The following GRIK4 variants were observed in gnomAD, a reference collection of about 807,000 sequenced individuals.
GRIK4 encodes the protein glutamate receptor ionotropic, kainate 4.
GRIK4 carries 40 observed loss-of-function variants against 104.9 expected under a neutral mutation model. The ratio of observed to expected loss-of-function variants is 0.38; its 90% confidence interval spans 0.30 to 0.50. The LOEUF (loss-of-function observed/expected upper bound fraction) is 0.50, where lower values mean the gene tolerates loss of function less well. GRIK4 is among the 20% of genes least tolerant of loss of function. GRIK4 has a pLI of 0.93. For missense variants in GRIK4, 1,047 were observed against 1,308.1 expected, an observed-to-expected ratio of 0.80 and a Z score of 3.08; for synonymous variants, 485 against 524.9, an observed-to-expected ratio of 0.92 and a Z score of 1.04.
At chr11:120,645,661 C>T (rs1949533450) in intron 1 of GRIK4, among the ~76,000 whole-genome samples, 1 of 152,182 alleles carries the variant, frequency 6.6e-6, no homozygotes, top group Admixed American at 6.5e-5. Context: ...TCTCCCCGTG[C>T]TCTCAGATCT....
At chr11:120,615,003 CAAAACAAAACAA>C (rs1273435360) in intron 1 of GRIK4, among the ~76,000 whole-genome samples, 6 of 151,734 alleles carry the variant, frequency 4.0e-5, no homozygotes, top group South Asian at 2.1e-4. Flanking sequence ...AATCTCAAAA[CAAAACAAAACAA>C]AAAACAAAAC....
chr11:120,581,485 A>G (rs561670304), intron 1 of GRIK4, among the ~76,000 whole-genome samples: 31 of 152,336 alleles, frequency 2.0e-4, no homozygotes, highest in Middle Eastern at 3.4e-3. Context: ...AAGTACCATC[A>G]TGTTGTTGTG....
chr11:120,513,044 G>A lies in GRIK4; in HGVS notation c.-159+1157G>A, dbSNP rs772238877. On this transcript the variant is annotated intron_variant, in intron 1 of 20. Transcript: ENST00000527524. This position sits in a 1 kb window ranked among gnomAD's most constrained non-coding sequence, Gnocchi z 4.5. ...GTGCTGTTGTCTGGTGATGCCACGC[G>A]GTGCCACCTCCCTGCCTCCCTCCAG... Among the ~76,000 whole-genome samples, 9 of 152,260 alleles carry A rather than the reference G, an allele frequency of 5.9e-5. No homozygotes were observed. Among genetic ancestry groups the A allele is most frequent in the African/African-American group, 9.6e-5 (4 of 41,550 alleles).
intron 3 of GRIK4, among the ~76,000 whole-genome samples, chr11:120,668,130 GAT>G (rs1949950014): frequency 6.6e-6 from 1 of 151,176 alleles, no homozygotes; most frequent in African/African-American, 2.4e-5. Context: ...TAGATAGATA[GAT>G]AGATAGATAG....
At chr11:120,589,478 A>G (rs1456268831) in intron 1 of GRIK4, among the ~76,000 whole-genome samples, 1 of 152,196 alleles carries the variant, frequency 6.6e-6, no homozygotes, top group Non-Finnish European at 1.5e-5. Flanking sequence ...CTGCTAGCTC[A>G]GCCCTCGGAA....
intron 13 of GRIK4, among the ~76,000 whole-genome samples, chr11:120,910,374 G>C (rs1401268150): frequency 6.6e-6 from 1 of 152,216 alleles, no homozygotes; most frequent in Non-Finnish European, 1.5e-5. Context: ...TGGTTGGAGT[G>C]AAGGCAAGTG....
intron 3 of GRIK4, among the ~76,000 whole-genome samples, chr11:120,745,315 T>C (rs1464964209): frequency 6.6e-6 from 1 of 152,240 alleles, no homozygotes; most frequent in Non-Finnish European, 1.5e-5. Context: ...TTTCTATTTA[T>C]ACTAAATCTA....
At chr11:120,965,995 C>A (rs1944377415) in intron 18 of GRIK4, among the ~76,000 whole-genome samples, 1 of 152,192 alleles carries the variant, frequency 6.6e-6, no homozygotes, top group Non-Finnish European at 1.5e-5. Flanking sequence ...AGCCTCTTGG[C>A]AGCTTTTTCT....
chr11:120,571,948 A>C (rs929189759), intron 1 of GRIK4, among the ~76,000 whole-genome samples: 1 of 152,218 alleles, frequency 6.6e-6, no homozygotes, highest in African/African-American at 2.4e-5. Context: ...CACCGGAGGC[A>C]TCCTGTCTAT....
chr11:120,840,871 A>G (rs904603633), intron 8 of GRIK4, among the ~76,000 whole-genome samples: 10 of 152,312 alleles, frequency 6.6e-5, no homozygotes, highest in African/African-American at 2.4e-4. Flanking sequence ...CTCTGTACCC[A>G]TTAAGCAATA....
chr11:120,923,390 C>T (rs1479645003), intron 13 of GRIK4, among the ~76,000 whole-genome samples: 4 of 150,666 alleles, frequency 2.7e-5, no homozygotes, highest in East Asian at 2.0e-4. Context: ...ATGCTAGGCC[C>T]GATCCATTTG....
In GRIK4 at chr11:120,566,767, G is replaced by A. The variant is rs574583184; in HGVS notation, c.-159+54880G>A. On this transcript the variant is annotated intron_variant, in intron 1 of 20. Coordinates refer to ENST00000527524, the MANE Select transcript of GRIK4 (RefSeq NM_014619.5). Reference sequence around the variant, plus strand: ...TTGCCAGGCTGGAGTGCAGTGGTGCGATCTTGGCTCACTGCAAGCTCCACC... The same window carrying A: ...TTGCCAGGCTGGAGTGCAGTGGTGCAATCTTGGCTCACTGCAAGCTCCACC... Among the ~76,000 whole-genome samples the A allele has an allele frequency of 6.7e-5, 10 of 149,368 alleles. 1 individual carries two copies. In the South Asian group the frequency reaches 1.9e-3, roughly 29 times the overall value.
chr11:120,890,128 C>CCATT (rs1363586327), intron 11 of GRIK4, among the ~76,000 whole-genome samples: 45 of 152,242 alleles, frequency 3.0e-4, no homozygotes, highest in Admixed American at 2.4e-3. Flanking sequence ...TTAAATGGTA[C>CCATT]CATTATCTTA....
chr11:120,931,572 C>T (rs1305407493), intron 13 of GRIK4, among the ~76,000 whole-genome samples: 1 of 152,198 alleles, frequency 6.6e-6, no homozygotes, highest in African/African-American at 2.4e-5. Flanking sequence ...TGAATCCTGG[C>T]TCTGCCACTT....
At chr11:120,744,743 A>G (rs1951409493) in intron 3 of GRIK4, among the ~76,000 whole-genome samples, 1 of 152,240 alleles carries the variant, frequency 6.6e-6, no homozygotes, top group African/African-American at 2.4e-5. Context: ...CAACAGTTCT[A>G]TGTAGAATAT....
intron 19 of GRIK4, among the ~76,000 whole-genome samples, chr11:120,970,428 C>A (rs977399599): frequency 6.6e-6 from 1 of 152,208 alleles, no homozygotes; most frequent in Non-Finnish European, 1.5e-5. Context: ...TCCTGCTTTC[C>A]TTTCATTTTT....
At chr11:120,703,071 C>T (rs1950578163) in intron 3 of GRIK4, among the ~76,000 whole-genome samples, 1 of 152,126 alleles carries the variant, frequency 6.6e-6, no homozygotes, top group Non-Finnish European at 1.5e-5. Flanking sequence ...AGAACTTTCT[C>T]GATGATGGCA....
chr11:120,809,044 A>G (rs973069413), intron 4 of GRIK4, among the ~76,000 whole-genome samples: 5 of 152,076 alleles, frequency 3.3e-5, no homozygotes, highest in African/African-American at 1.2e-4. Flanking sequence ...GGCACTTACC[A>G]TTAGCTCCTC....
intron 8 of GRIK4, among the ~76,000 whole-genome samples, chr11:120,844,323 ACT>A (rs1285978748): frequency 6.6e-6 from 1 of 151,250 alleles, no homozygotes; most frequent in Non-Finnish European, 1.5e-5. Flanking sequence ...GCTGCCACAC[ACT>A]CTCCCAGCAC....
Sources: gnomAD v4.1 joint callset for allele counts (sites outside exome capture counted in the v4.1 genomes callset) on GRCh38, gnomAD v4.1.1 for gene constraint, Gnocchi (gnomAD v3.1) non-coding constraint, MANE v1.5 for transcripts, NCBI Gene and HGNC (gene_info 2026-07-23, HGNC 2026-07-21) for gene names.